Variants in TRIM77 observed in about 807,000 individuals in gnomAD.
TRIM77 encodes tripartite motif containing 77.
TRIM77 carries 23 observed loss-of-function variants against 31.8 expected under a neutral mutation model. The ratio of observed to expected loss-of-function variants is 0.72; its 90% CI spans 0.52 to 1.02. TRIM77 has a LOEUF of 1.02. TRIM77 is among the 50% of genes least tolerant of loss of function. The probability of loss-of-function intolerance (pLI) is 0.00; values close to 1 mark genes in which losing one functional copy is unlikely to be tolerated. For synonymous variants in TRIM77, 159 were observed against 183.1 expected (o/e 0.87, Z 1.06); for missense variants, 446 against 539.2 (o/e 0.83, Z 1.71).
At chr11:89,711,932 GA>G (rs1949125429) in intron 2 of TRIM77, among the ~76,000 whole-genome samples, 1 of 152,122 alleles carries the variant, frequency 6.6e-6, no homozygotes, top group East Asian at 1.9e-4. Context: ...TTAGGAATAA[GA>G]AAGCTGAAAG....
At chr11:89,710,951 G>C (rs559142454) in intron 1 of TRIM77, among the ~76,000 whole-genome samples, 1 of 152,130 alleles carries the variant, frequency 6.6e-6, no homozygotes, top group African/African-American at 2.4e-5. Context: ...TGATGATAAA[G>C]TTGATGAGCA....
In TRIM77 at chr11:89,714,413, C is replaced by T. The variant is rs1277523092; in HGVS notation, c.729C>T (p.Asn243=). 26 of 1,550,148 alleles carry T rather than the reference C, an allele frequency of 1.7e-5. No homozygotes were observed. The highest frequency in any genetic ancestry group is 2.1e-5 in the Non-Finnish European group (24 of 1,146,214). The change falls in exon 3 of 6, where the codon AAC becomes AAT. Residue 243 remains asparagine (N), a synonymous_variant. Transcript: ENST00000398290. ...LKEMSCKADV[N]LPQDLGDVMK... is the part of the protein sequence containing the mutation. ...AAATGAGCTGTAAAGCAGATGTGAA[C>T]CTGCCTCAGGTAAAAACTGAAGGAG... is the stretch of plus-strand genomic sequence containing the variant.
intron 5 of TRIM77, among the ~76,000 whole-genome samples, chr11:89,716,197 A>G (rs1386297113): frequency 6.6e-6 from 1 of 152,178 alleles, no homozygotes; most frequent in Non-Finnish European, 1.5e-5. Flanking sequence ...AATAAGAAAT[A>G]CAGTGCGTAA....
intron 1 of TRIM77, among the ~76,000 whole-genome samples, 164 bp from the exon 2 acceptor site, chr11:89,711,246 T>C (rs1438049373): frequency 6.6e-6 from 1 of 152,220 alleles, no homozygotes; most frequent in Non-Finnish European, 1.5e-5. Context: ...CTACCTTTGG[T>C]TTCATTGACC....
chr11:89,714,925 C>T (rs1246282916), intron 3 of TRIM77, among the ~76,000 whole-genome samples: 2 of 152,200 alleles, frequency 1.3e-5, no homozygotes, highest in African/African-American at 2.4e-5. Context: ...TGTTCAACCT[C>T]AGTCCATCTG....
chr11:89,710,947 T>C (rs545444563), intron 1 of TRIM77, among the ~76,000 whole-genome samples: 1 of 152,238 alleles, frequency 6.6e-6, no homozygotes, highest in African/African-American at 2.4e-5. Flanking sequence ...AGAATGATGA[T>C]AAAGTTGATG....
Position 89,710,589 on chromosome 11 carries a change from G to A in TRIM77, c.291G>A (p.Gln97=), listed in dbSNP as rs752789320. 173 of 1,551,494 alleles carry A rather than the reference G, an allele frequency of 1.1e-4. No individual in the cohort carries two copies. Among genetic ancestry groups the A allele is most frequent in the Non-Finnish European group, 1.4e-4 (155 of 1,146,966 alleles). The change falls in exon 1 of 6, where the codon CAG becomes CAA. Residue 97 remains glutamine (Q), a synonymous_variant. Coordinates refer to ENST00000398290, the MANE Select transcript of TRIM77 (RefSeq NM_001146162.1). ...CCATGCTGATCTGTAGGAGACACCA[G>A]GAAATCAAGAACCTCATCTGTGAAA... is the stretch of plus-strand genomic sequence containing the variant. The part of the protein sequence containing the change: ...SSAMLICRRH[Q]EIKNLICETD...
intron 2 of TRIM77, among the ~76,000 whole-genome samples, chr11:89,712,397 C>T (rs771796871): frequency 6.6e-6 from 1 of 152,062 alleles, no homozygotes; most frequent in Non-Finnish European, 1.5e-5. Context: ...GATCGCTTAC[C>T]CTAGGAGTCT....
rs759622884 is a variant in TRIM77, at chr11:89,710,585, A to G, written c.287A>G (p.His96Arg). 3.9e-6 allele frequency: 6 copies of G among 1,551,576 alleles called. No homozygotes were observed. In the African/African-American group the frequency reaches 8.2e-5, roughly 21 times the overall value. Reference protein sequence around the residue: ...SSSAMLICRRHQEIKNLICET... With the variant: ...SSSAMLICRRRQEIKNLICET... ...TCTGCCATGCTGATCTGTAGGAGAC[A>G]CCAGGAAATCAAGAACCTCATCTGT... Residue 96 changes from histidine to arginine, a missense_variant, in exon 1 of 6, where the codon CAC becomes CGC. Coordinates refer to ENST00000398290, the MANE Select transcript of TRIM77 (RefSeq NM_001146162.1).
chr11:89,714,461 T>A, intron 3 of TRIM77, 39 bp downstream of exon 3: 1 of 1,346,090 alleles, frequency 7.4e-7, no homozygotes, highest in Non-Finnish European at 1.0e-6. Context: ...AACACCACCC[T>A]GCTTGGGAAT....
intron 2 of TRIM77, among the ~76,000 whole-genome samples, chr11:89,713,968 A>T (rs1450699465): frequency 6.6e-6 from 1 of 152,168 alleles, no homozygotes; most frequent in Admixed American, 6.5e-5. Context: ...CTTTATTTTT[A>T]AAATGTAAAT....
chr11:89,711,296 G>A, intron 1 of TRIM77, 114 bp from the exon 2 acceptor site: 2 of 533,774 alleles, frequency 3.7e-6, no homozygotes, highest in Non-Finnish European at 6.5e-6. Context: ...AAAAGCCCCT[G>A]CATGTCTGCA....
chr11:89,712,768 G>A (rs1265632532), intron 2 of TRIM77, among the ~76,000 whole-genome samples: 2 of 152,106 alleles, frequency 1.3e-5, no homozygotes, highest in Non-Finnish European at 2.9e-5. Context: ...GGAAAGAGTA[G>A]GGAATAGAGG....
Position 89,710,677 on chromosome 11 carries a change from T to C in TRIM77, c.379T>C (p.Tyr127His). The C allele has an allele frequency of 6.5e-7, 1 of 1,548,318 alleles. No individual in the cohort carries two copies. ...CCCAAGGCATGCTACTCACAAACAC[T>C]ATATGACAAGGGAGGCTGATGAATA... ...QSPRHATHKHYMTREADEYYR... is the reference protein window; with the variant it reads ...QSPRHATHKHHMTREADEYYR... Residue 127 changes from tyrosine to histidine, a missense_variant, in exon 1 of 6, where the codon TAT becomes CAT. By Grantham distance (83) the Tyr-to-His change is moderately conservative. Around this residue, in one of 3 missense-constraint regions of TRIM77, gnomAD observed 366 missense variants for 447.9 expected, o/e 0.82. Coordinates refer to ENST00000398290, the MANE Select transcript of TRIM77 (RefSeq NM_001146162.1).
rs1346482332 is a variant in TRIM77 at position 89,710,658 on chromosome 11, G to C, written c.360G>C (p.Arg120Ser). ...GTTTTCTATGCTCTCAATCCCCAAG[G>C]CATGCTACTCACAAACACTATATGA... ...LLCFLCSQSPRHATHKHYMTR... is the reference protein window; with the variant it reads ...LLCFLCSQSPSHATHKHYMTR... Residue 120 changes from arginine to serine, a missense_variant, in exon 1 of 6, where the codon AGG (arginine) becomes AGC (serine). Arg to Ser is a moderately radical substitution (Grantham distance 110). Coordinates refer to ENST00000398290, the MANE Select transcript of TRIM77 (RefSeq NM_001146162.1). 1 of 1,550,466 alleles carries C rather than the reference G, an allele frequency of 6.4e-7. No individual in the cohort carries two copies. Among genetic ancestry groups the C allele is most frequent in the East Asian group, 2.4e-5 (1 of 40,916 alleles).
Position 89,717,576 on chromosome 11 carries a change from T to C in TRIM77, c.1057T>C (p.Trp353Arg). 5 of 1,551,442 alleles carry C rather than the reference T, an allele frequency of 3.2e-6. No homozygotes were observed. The highest frequency in any genetic ancestry group is 4.4e-6 in the Non-Finnish European group (5 of 1,146,876). The change falls in exon 6 of 6, where the codon TGG becomes CGG. Residue 353 changes from tryptophan to arginine, a missense_variant. Trp to Arg is a moderately radical substitution (Grantham distance 101). Transcript: ENST00000398290. ...WEVDVKDSCN[W>R]VIGLCREAWT... is the part of the protein sequence containing the mutation. ...GGTGGATGTGAAAGACTCTTGTAAT[T>C]GGGTTATAGGACTTTGCAGAGAAGC... is the stretch of plus-strand genomic sequence containing the variant.
At chr11:89,710,993 C>T (rs1388156613) in intron 1 of TRIM77, among the ~76,000 whole-genome samples, 2 of 152,180 alleles carry the variant, frequency 1.3e-5, no homozygotes, top group African/African-American at 4.8e-5. Flanking sequence ...GTAAGAAGCT[C>T]TATATTAATC....
At chr11:89,712,391 G>A (rs528484192) in intron 2 of TRIM77, among the ~76,000 whole-genome samples, 6 of 152,054 alleles carry the variant, frequency 3.9e-5, no homozygotes, top group Admixed American at 1.3e-4. Flanking sequence ...GAAATAGATC[G>A]CTTACCCTAG....
At chr11:89,716,031 T>C in intron 5 of TRIM77, 44 bp downstream of exon 5, 1 of 1,245,352 alleles carries the variant, frequency 8.0e-7, no homozygotes, top group South Asian at 1.4e-5. Flanking sequence ...TAAGTATTTT[T>C]ATATGGGTGA....
Sources: gnomAD v4.1 joint callset for allele counts (sites outside exome capture counted in the v4.1 genomes callset) on GRCh38, gnomAD v4.1.1 for gene constraint, gnomAD v4.1.1 regional missense constraint, MANE v1.5 for transcripts, NCBI Gene and HGNC (gene_info 2026-07-23, HGNC 2026-07-21) for gene names.